ZNF573: variants seen among roughly 807,000 people sequenced by gnomAD.
ZNF573 encodes zinc finger protein 573.
ZNF573 carries 41 observed loss-of-function variants against 57.4 expected under a neutral mutation model. That is an observed-to-expected ratio of 0.71 (90% confidence interval 0.56 to 0.93). ZNF573 has a LOEUF of 0.93. Among genes scored for constraint, ZNF573 ranks in the 40% least tolerant of loss-of-function variants. The pLI, the probability that ZNF573 is intolerant of heterozygous loss-of-function variation, is 0.00. For missense variants in ZNF573, 730 were observed against 794.8 expected (o/e 0.92, Z 0.98); for synonymous variants, 249 against 261.0 (o/e 0.95, Z 0.44).
intron 1 of ZNF573, among the ~76,000 whole-genome samples, chr19:37,778,024 C>CAAAAA (rs34141847): frequency 1.8e-5 from 1 of 56,116 alleles, no homozygotes; most frequent in African/African-American, 6.1e-5. Context: ...GACTCTGTCT[C>CAAAAA]AAAAAAAAAA....
intron 4 of ZNF573, among the ~76,000 whole-genome samples, chr19:37,762,989 T>C (rs1261655575): frequency 6.6e-6 from 1 of 151,986 alleles, no homozygotes; most frequent in Non-Finnish European, 1.5e-5. Flanking sequence ...AACAGGCTGG[T>C]CTCGAACTCC....
chr19:37,740,042 T>G lies in ZNF573; in HGVS notation c.448A>C (p.Ile150Leu). ...QKKFSSGYQL[I>L]LHHRFHVIER... is the part of the protein sequence containing the mutation. ...ATGACATGAAACCTGTGATGTAGAA[T>G]AAGTTGATAACCACTACTAAATTTC... is the stretch of plus-strand genomic sequence containing the variant. Residue 150 changes from isoleucine to leucine, a missense_variant, in exon 5 of 5, where the codon ATT (isoleucine) becomes CTT (leucine). Coordinates refer to ENST00000536220, the MANE Select transcript of ZNF573 (RefSeq NM_001172690.2). 6.2e-7 allele frequency: 1 copy of G among 1,614,136 alleles called. No individual in the cohort carries two copies. The highest frequency in any genetic ancestry group is 8.5e-7 in the Non-Finnish European group (1 of 1,179,992).
chr19:37,743,498 G>C (rs2145279323), intron 4 of ZNF573, among the ~76,000 whole-genome samples: 1 of 152,250 alleles, frequency 6.6e-6, no homozygotes, highest in East Asian at 1.9e-4. Context: ...AATAGATGCT[G>C]GTGAGGCTGT....
In ZNF573 at chr19:37,739,702, A is replaced by T. The variant is rs1318682627; in HGVS notation, c.788T>A (p.Ile263Asn). 2 of 1,613,786 alleles carry T rather than the reference A, an allele frequency of 1.2e-6. No individual in the cohort carries two copies. The highest frequency in any genetic ancestry group is 3.3e-5 in the Admixed American group (2 of 59,988). Residue 263 changes from isoleucine (I) to asparagine (N), a missense_variant, in exon 5 of 5, where the codon ATT (isoleucine) becomes AAT (asparagine). By Grantham distance (149) the Ile-to-Asn change is moderately radical. Transcript: ENST00000536220. ...RAFSQGGHLR[I>N]HQRVHTGEKP... ...TTCGCCAGTATGAACTCTCTGATGAATTCTAAGATGTCCACCTTGACTAAA... is the reference window on the plus strand; with the variant it reads ...TTCGCCAGTATGAACTCTCTGATGATTTCTAAGATGTCCACCTTGACTAAA...
intron 4 of ZNF573, among the ~76,000 whole-genome samples, chr19:37,745,549 C>T (rs2045373962): frequency 6.6e-6 from 1 of 152,062 alleles, no homozygotes; most frequent in East Asian, 1.9e-4. Context: ...GTGCTTGCCA[C>T]TACGCCCAGC....
intron 1 of ZNF573, chr19:37,778,686 T>C (rs2045735044): frequency 6.6e-6 from 1 of 152,136 alleles, no homozygotes; most frequent in South Asian, 2.1e-4. Context: ...AAAGAATTTT[T>C]TTCCTCCTCA....
chr19:37,739,139 A>G lies in ZNF573; in HGVS notation c.1351T>C (p.Phe451Leu). Residue 451 changes from phenylalanine to leucine, a missense_variant, in exon 5 of 5, where the codon TTT becomes CTT. Phe to Leu is a conservative substitution (Grantham distance 22, BLOSUM62 0). Transcript: ENST00000536220. ...CGAGTAAGATTTCTATACAAAGTAAAGGTTTTTTTACACTCCTTACATTCA... is the reference window on the plus strand; with the variant it reads ...CGAGTAAGATTTCTATACAAAGTAAGGGTTTTTTTACACTCCTTACATTCA... The part of the protein sequence containing the change: ...HFECKECKKT[F>L]TLYRNLTRHQ... 6.2e-7 allele frequency: 1 copy of G among 1,613,228 alleles called. No individual in the cohort carries two copies. Among genetic ancestry groups the G allele is most frequent in the South Asian group, 1.1e-5 (1 of 90,794 alleles).
intron 4 of ZNF573, among the ~76,000 whole-genome samples, chr19:37,764,902 C>CTTTT (rs34049888): frequency 9.4e-6 from 1 of 106,514 alleles, no homozygotes; most frequent in Admixed American, 1.1e-4. Flanking sequence ...TGTGCCCGGC[C>CTTTT]TTTTTTTTTT....
At chr19:37,750,545 A>G (rs896070890) in intron 4 of ZNF573, among the ~76,000 whole-genome samples, 4 of 152,222 alleles carry the variant, frequency 2.6e-5, no homozygotes, top group Non-Finnish European at 5.9e-5. Flanking sequence ...CAAGTACTAG[A>G]ATTCAACATA....
At chr19:37,747,996 T>G (rs548340370) in intron 4 of ZNF573, among the ~76,000 whole-genome samples, 6 of 152,124 alleles carry the variant, frequency 3.9e-5, no homozygotes, top group Non-Finnish European at 7.4e-5. Context: ...GTTACAGTCT[T>G]TCTAAAAACT....
At chr19:37,757,706 G>A (rs949791092) in intron 4 of ZNF573, among the ~76,000 whole-genome samples, 1 of 152,076 alleles carries the variant, frequency 6.6e-6, no homozygotes, top group Non-Finnish European at 1.5e-5. Flanking sequence ...ATACCCAAAG[G>A]AATATAAATC....
intron 4 of ZNF573, among the ~76,000 whole-genome samples, chr19:37,753,091 C>CA (rs923864511): frequency 6.6e-6 from 1 of 151,958 alleles, no homozygotes; most frequent in African/African-American, 2.4e-5. Context: ...CCCGTCTCTA[C>CA]AAAAAAATTT....
At chr19:37,760,870 C>T (rs965543454) in intron 4 of ZNF573, among the ~76,000 whole-genome samples, 3 of 150,964 alleles carry the variant, frequency 2.0e-5, no homozygotes, top group Non-Finnish European at 4.4e-5. Flanking sequence ...GAGGTTAATG[C>T]AAAATCATCA....
chr19:37,744,269 G>A (rs975599094), intron 4 of ZNF573, among the ~76,000 whole-genome samples: 12 of 152,076 alleles, frequency 7.9e-5, no homozygotes, highest in Non-Finnish European at 1.8e-4. Context: ...AAAGGAGGCT[G>A]GCTTGGAGTT....
chr19:37,739,757 G>A lies in ZNF573; in HGVS notation c.733C>T (p.Pro245Ser). 1 of 1,614,010 alleles carries A rather than the reference G, an allele frequency of 6.2e-7. No individual in the cohort carries two copies. ...CTCCCACACTCCTGACATTCATACG[G>A]CTTCCCACCAGTGTGAATTCTCTCA... ...QHERIHTGGKPYECQECGRAF... is the reference protein window; with the variant it reads ...QHERIHTGGKSYECQECGRAF... Residue 245 changes from proline (P) to serine (S), a missense_variant, in exon 5 of 5, where the codon CCG (proline) becomes TCG (serine). Transcript: ENST00000536220.
rs2045741498 is a variant in ZNF573, at chr19:37,779,325, C to T, written c.-23+219G>A. 2.0e-5 allele frequency among the ~76,000 whole-genome samples: 3 copies of T among 152,164 alleles called. No homozygotes were observed. In the South Asian group the frequency reaches 6.2e-4, roughly 32 times the overall value. On this transcript the variant is annotated intron_variant, in intron 1 of 4. Transcript: ENST00000536220. ...TTCCCCATCTGACATATACAACATTCTCTCACGTGCGCACTCAAATACCCT... is the reference window on the plus strand; with the variant it reads ...TTCCCCATCTGACATATACAACATTTTCTCACGTGCGCACTCAAATACCCT...
chr19:37,771,673 C>T lies in ZNF573; in HGVS notation c.93G>A (p.Arg31=), dbSNP rs940136549. Residue 31 remains arginine (R), a synonymous_variant, in exon 3 of 5, where the codon AGG becomes AGA. Coordinates refer to ENST00000536220, the MANE Select transcript of ZNF573 (RefSeq NM_001172690.2). ...GCCGAGAGAAGTCTATGGCCACATC[C>T]CTGAATGTCACTAATTCCTGAAACT... ...MTCFQELVTF[R]DVAIDFSRQE... The T allele has an allele frequency of 6.3e-7, 1 of 1,591,936 alleles. No homozygotes were observed. The highest frequency in any genetic ancestry group is 1.9e-5 in the Admixed American group (1 of 53,734).
At chr19:37,770,832 T>TTATATATATATATA (rs58757674) in intron 3 of ZNF573, among the ~76,000 whole-genome samples, 1,203 of 93,298 alleles carry the variant, frequency 0.013, 87 homozygotes, top group East Asian at 0.025. Context: ...TTAAGTTATT[T>TTATATATATATATA]TATATATATA....
chr19:37,769,900 G>C, intron 4 of ZNF573, 105 bp downstream of exon 4: 1 of 929,890 alleles, frequency 1.1e-6, no homozygotes, highest in South Asian at 1.4e-5. Flanking sequence ...TGCTCCACAA[G>C]TCTGGGTGCC....
Sources: gnomAD v4.1 joint callset for allele counts (sites outside exome capture counted in the v4.1 genomes callset) on GRCh38, gnomAD v4.1.1 for gene constraint, MANE v1.5 for transcripts, NCBI Gene and HGNC (gene_info 2026-07-23, HGNC 2026-07-21) for gene names.